TRMT61A: variants seen among roughly 807,000 people sequenced by gnomAD.
TRMT61A encodes the protein tRNA methyltransferase 61A.
TRMT61A carries 15 observed loss-of-function variants against 21.3 expected under a neutral mutation model. The ratio of observed to expected loss-of-function variants is 0.70; its 90% CI spans 0.47 to 1.08. The LOEUF (loss-of-function observed/expected upper bound fraction) is 1.08. TRMT61A is among the 50% of genes least tolerant of loss of function. The pLI is 0.00. For synonymous variants in TRMT61A, 183 were observed against 185.5 expected (o/e 0.99, Z 0.11); for missense variants, 352 against 426.7 (o/e 0.83, Z 1.54).
intron 2 of TRMT61A, among the ~76,000 whole-genome samples, chr14:103,532,288 G>A (rs938899594): frequency 2.6e-5 from 4 of 152,264 alleles, no homozygotes; most frequent in East Asian, 1.9e-4. Flanking sequence ...CTATACCTGC[G>A]CTAGGCAGGA....
intron 2 of TRMT61A, among the ~76,000 whole-genome samples, chr14:103,530,760 A>G (rs2075951588): frequency 6.6e-6 from 1 of 152,328 alleles, no homozygotes; most frequent in South Asian, 2.1e-4. Flanking sequence ...CTCACCTGCT[A>G]CCAATGAATG....
chr14:103,529,474 A>G (rs1331913000), intron 1 of TRMT61A, among the ~76,000 whole-genome samples: 1 of 152,220 alleles, frequency 6.6e-6, no homozygotes, highest in Admixed American at 6.5e-5. Context: ...ATCCTCTGTC[A>G]TACCCTGCCA....
chr14:103,532,217 TC>T (rs771686555), intron 2 of TRMT61A, among the ~76,000 whole-genome samples: 32 of 152,080 alleles, frequency 2.1e-4, no homozygotes, highest in Non-Finnish European at 2.8e-4. Flanking sequence ...TGGGATGGCC[TC>T]CCTGTCCCCC....
In TRMT61A at chr14:103,535,345, C is replaced by T; in HGVS notation, c.*524C>T. On this transcript the variant is annotated 3_prime_UTR_variant, in exon 4 of 4. Coordinates refer to ENST00000389749, the MANE Select transcript of TRMT61A (RefSeq NM_152307.3). ...GACCCAGAATCCCTGCCCTGCTCTC[C>T]CCAGCGCTAGGAGACCAGGCCAGCC... 2.2e-6 allele frequency: 1 copy of T among 456,670 alleles called. No homozygotes were observed. Among genetic ancestry groups the T allele is most frequent in the Non-Finnish European group, 4.4e-6 (1 of 227,068 alleles). 28.3% of individuals were successfully genotyped at this position (456,670 alleles called of 1,614,324 possible).
intron 3 of TRMT61A, among the ~76,000 whole-genome samples, chr14:103,533,258 G>T (rs549198475): frequency 9.2e-5 from 14 of 152,376 alleles, no homozygotes; most frequent in Admixed American, 7.2e-4. Context: ...CCCTGGGGAA[G>T]GTCGGGCCTC....
intron 1 of TRMT61A, 48 bp from the exon 2 acceptor site, chr14:103,529,902 C>T (rs2075947704): frequency 7.0e-7 from 1 of 1,419,756 alleles, no homozygotes; most frequent in Non-Finnish European, 9.5e-7. Context: ...ACCCTAGGCC[C>T]TCATCCTGCC....
intron 2 of TRMT61A, among the ~76,000 whole-genome samples, chr14:103,530,524 CAGG>C (rs1160984847): frequency 1.3e-5 from 2 of 152,202 alleles, no homozygotes; most frequent in Non-Finnish European, 1.5e-5. Context: ...GGAAATGGAC[CAGG>C]AGGAGCTGGG....
chr14:103,529,899 G>T, intron 1 of TRMT61A, 51 bp from the exon 2 acceptor site: 2 of 1,384,826 alleles, frequency 1.4e-6, no homozygotes, highest in Non-Finnish European at 9.8e-7. Flanking sequence ...TAGACCCTAG[G>T]CCCTCATCCT....
At chr14:103,530,963 G>A (rs1180472480) in intron 2 of TRMT61A, among the ~76,000 whole-genome samples, 1 of 152,240 alleles carries the variant, frequency 6.6e-6, no homozygotes, top group Non-Finnish European at 1.5e-5. Context: ...GCACTGCCAT[G>A]CTGGCTTTCT....
intron 3 of TRMT61A, among the ~76,000 whole-genome samples, chr14:103,534,311 A>C (rs546828898): frequency 6.6e-6 from 1 of 152,272 alleles, no homozygotes; most frequent in East Asian, 1.9e-4. Context: ...GGCACATGGG[A>C]GGGCCTGGCA....
In TRMT61A at chr14:103,530,023, G is replaced by A. The variant is rs1566965283; in HGVS notation, c.45G>A (p.Thr15=). 3.1e-6 allele frequency: 5 copies of A among 1,612,564 alleles called. No homozygotes were observed. Among genetic ancestry groups the A allele is most frequent in the Non-Finnish European group, 4.2e-6 (5 of 1,179,690 alleles). The change falls in exon 2 of 4, where the codon ACG becomes ACA. Residue 15 remains threonine (T), a synonymous_variant. Coordinates refer to ENST00000389749, the MANE Select transcript of TRMT61A (RefSeq NM_152307.3). ...AYEELIKEGD[T]AILSLGHGAM... is the part of the protein sequence containing the mutation. ...AGGAGCTGATCAAGGAGGGTGACAC[G>A]GCCATCCTGTCACTGGGCCATGGTG...
rs758018064 is a variant in TRMT61A, at chr14:103,530,134, C to G, written c.156C>G (p.Arg52=). The G allele has an allele frequency of 1.2e-6, 2 of 1,612,954 alleles. No homozygotes were observed. The highest frequency in any genetic ancestry group is 1.7e-6 in the Non-Finnish European group (2 of 1,180,022). The change falls in exon 2 of 4, where the codon CGC becomes CGG. Residue 52 remains arginine, a synonymous_variant. Coordinates refer to ENST00000389749, the MANE Select transcript of TRMT61A (RefSeq NM_152307.3). Reference sequence around the variant, plus strand: ...GGCACTCAGTTGACCTTATCGGCCGCCCCTTCGGCTCCAAGGTGACGTGCG... The same window carrying G: ...GGCACTCAGTTGACCTTATCGGCCGGCCCTTCGGCTCCAAGGTGACGTGCG... ...VLRHSVDLIG[R]PFGSKVTCGR...
chr14:103,530,794 G>A (rs1347563115), intron 2 of TRMT61A, among the ~76,000 whole-genome samples: 1 of 152,220 alleles, frequency 6.6e-6, no homozygotes, highest in Non-Finnish European at 1.5e-5. Flanking sequence ...TGAGTCCAGG[G>A]CCTGGGCTGT....
rs1032105207 is a variant in TRMT61A, at chr14:103,531,489, G to A, written c.332-1093G>A. ...GCTCAGTGGGGGAGGCAGAGGGGCT[G>A]GGAGTGAGGTTGGAGGGGAAGCGAG... On this transcript the variant is annotated intron_variant, in intron 2 of 3. Coordinates refer to ENST00000389749, the MANE Select transcript of TRMT61A (RefSeq NM_152307.3). This position sits in a 1 kb window ranked among gnomAD's most constrained non-coding sequence, Gnocchi z 5.1. Among the ~76,000 whole-genome samples the A allele has an allele frequency of 6.6e-6, 1 of 152,182 alleles. No individual in the cohort carries two copies. Among genetic ancestry groups the A allele is most frequent in the Admixed American group, 6.5e-5 (1 of 15,286 alleles).
chr14:103,530,675 G>T (rs1030740229), intron 2 of TRMT61A, among the ~76,000 whole-genome samples: 1 of 152,186 alleles, frequency 6.6e-6, no homozygotes, highest in Non-Finnish European at 1.5e-5. Context: ...TGCCCCTTCT[G>T]GAAAGAGGCC....
At chr14:103,534,496 C>A (rs1351279854) in intron 3 of TRMT61A, 54 bp from the exon 4 acceptor site, 5 of 1,514,216 alleles carry the variant, frequency 3.3e-6, no homozygotes, top group East Asian at 4.6e-5. Context: ...TAGGGCCAGA[C>A]GGGCCAGGCT....
At chr14:103,534,520 C>G in intron 3 of TRMT61A, 30 bp from the exon 4 acceptor site, 1 of 1,534,692 alleles carries the variant, frequency 6.5e-7, no homozygotes, top group Non-Finnish European at 8.8e-7. Flanking sequence ...CCACCCCTGC[C>G]CTCTGACCCT....
rs983021508 is a variant in TRMT61A, at chr14:103,531,512, G to A, written c.332-1070G>A. 3.3e-5 allele frequency among the ~76,000 whole-genome samples: 5 copies of A among 152,108 alleles called. No homozygotes were observed. Among genetic ancestry groups the A allele is most frequent in the Non-Finnish European group, 7.4e-5 (5 of 68,002 alleles). ...CTGGGAGTGAGGTTGGAGGGGAAGC[G>A]AGCTCCACCCCGGAGGCTAACAAGT... On this transcript the variant is annotated intron_variant, in intron 2 of 3. Transcript: ENST00000389749. The surrounding 1 kb of genome is among the most constrained non-coding windows in gnomAD (Gnocchi z 5.1).
At chr14:103,529,863 G>A in intron 1 of TRMT61A, 87 bp from the exon 2 acceptor site, 6 of 993,650 alleles carry the variant, frequency 6.0e-6, no homozygotes, top group Non-Finnish European at 8.7e-6. Context: ...CCCACTGCTG[G>A]GATGTAGGCC....
Sources: gnomAD v4.1 joint callset for allele counts (sites outside exome capture counted in the v4.1 genomes callset) on GRCh38, gnomAD v4.1.1 for gene constraint, Gnocchi (gnomAD v3.1) non-coding constraint, MANE v1.5 for transcripts, NCBI Gene and HGNC (gene_info 2026-07-23, HGNC 2026-07-21) for gene names.